Variants in HDGFL3 observed in about 807,000 individuals in gnomAD.
HDGFL3 encodes HDGF like 3.
Under a neutral mutation model 27.6 loss-of-function variants are expected in HDGFL3, and 6 were observed. The ratio of observed to expected loss-of-function variants is 0.22; its 90% CI spans 0.12 to 0.43. The LOEUF (loss-of-function observed/expected upper bound fraction) is 0.43, where lower values mean the gene tolerates loss of function less well. Ranked by LOEUF, HDGFL3 falls within the 20% of genes least tolerant of loss-of-function variation. The probability of loss-of-function intolerance (pLI) is 1.00; values close to 1 mark genes in which losing one functional copy is unlikely to be tolerated. For missense variants in HDGFL3, 207 were observed against 250.1 expected (o/e 0.83, Z 1.16); for synonymous variants, 88 against 88.9 (o/e 0.99, Z 0.05).
intron 5 of HDGFL3, among the ~76,000 whole-genome samples, chr15:83,149,224 G>T (rs2036935300): frequency 6.6e-6 from 1 of 152,192 alleles, no homozygotes. Flanking sequence ...ATGAGATAAT[G>T]AATGCAGACC....
At chr15:83,179,583 C>G (rs2151415187) in intron 1 of HDGFL3, among the ~76,000 whole-genome samples, 1 of 152,348 alleles carries the variant, frequency 6.6e-6, no homozygotes, top group South Asian at 2.1e-4. Flanking sequence ...AGCCTCTTCT[C>G]TCGAAAGTGC....
chr15:83,176,586 A>G (rs1203252874), intron 1 of HDGFL3, among the ~76,000 whole-genome samples: 2 of 152,108 alleles, frequency 1.3e-5, no homozygotes, highest in African/African-American at 4.8e-5. Flanking sequence ...TCATCCCTGG[A>G]CCTTCACCAT....
intron 1 of HDGFL3, among the ~76,000 whole-genome samples, chr15:83,197,365 G>A (rs995756775): frequency 6.6e-6 from 1 of 152,246 alleles, no homozygotes; most frequent in Non-Finnish European, 1.5e-5. Flanking sequence ...ACATAAAACT[G>A]TGCTTACAGT....
chr15:83,150,657 A>G (rs72755997), intron 5 of HDGFL3, among the ~76,000 whole-genome samples: 2,649 of 152,342 alleles, frequency 0.017, 33 homozygotes, highest in South Asian at 0.026. Flanking sequence ...GCCTTCATCA[A>G]GTTTTTTACA....
Position 83,136,707 on chromosome 15 carries a change from T to C in HDGFL3, c.*2563A>G, listed in dbSNP as rs1369453452. On this transcript the variant is annotated 3_prime_UTR_variant, in exon 6 of 6. Coordinates refer to ENST00000299633, the MANE Select transcript of HDGFL3 (RefSeq NM_016073.4). ...TTCATGTTCCTCCTTTCTAAATTAC[T>C]AACTTTTGTTATACTGGTACTGATA... 1.5e-5 allele frequency: 23 copies of C among 1,537,590 alleles called. No individual in the cohort carries two copies. The highest frequency in any genetic ancestry group is 1.9e-5 in the Non-Finnish European group (22 of 1,134,248).
At chr15:83,191,184 T>C (rs2037506856) in intron 1 of HDGFL3, among the ~76,000 whole-genome samples, 1 of 152,192 alleles carries the variant, frequency 6.6e-6, no homozygotes, top group Non-Finnish European at 1.5e-5. Context: ...AACAATTCTG[T>C]GTGTTGATAA....
At chr15:83,196,195 A>G (rs1210652561) in intron 1 of HDGFL3, among the ~76,000 whole-genome samples, 2 of 151,580 alleles carry the variant, frequency 1.3e-5, no homozygotes, top group Non-Finnish European at 3.0e-5. Context: ...CAATATATTT[A>G]TATTTGTCCA....
intron 4 of HDGFL3, among the ~76,000 whole-genome samples, chr15:83,153,733 T>C (rs1221022814): frequency 6.6e-6 from 1 of 152,196 alleles, no homozygotes; most frequent in Non-Finnish European, 1.5e-5. Context: ...AAATAATTTG[T>C]ATGCAAAATA....
chr15:83,167,562 G>C (rs377510452), intron 1 of HDGFL3, among the ~76,000 whole-genome samples: 1 of 99,202 alleles, frequency 1.0e-5, no homozygotes, highest in African/African-American at 3.7e-5. Context: ...TCCATCTCAA[G>C]AAAAAAAAAA....
At chr15:83,126,094 A>G (rs1372803342), downstream of HDGFL3, among the ~76,000 whole-genome samples, 1 of 152,154 alleles carries the variant, frequency 6.6e-6, no homozygotes, top group Non-Finnish European at 1.5e-5. Flanking sequence ...GTGGGGGTGC[A>G]TGCAAGGTGG....
chr15:83,149,913 CAGG>C (rs2036943603), intron 5 of HDGFL3, among the ~76,000 whole-genome samples: 1 of 152,094 alleles, frequency 6.6e-6, no homozygotes, highest in Admixed American at 6.5e-5. Flanking sequence ...TTGGAGAAAA[CAGG>C]AGGAGATAAT....
At chr15:83,155,414 T>G (rs1164622539) in intron 4 of HDGFL3, among the ~76,000 whole-genome samples, 9 of 152,200 alleles carry the variant, frequency 5.9e-5, no homozygotes, top group African/African-American at 1.2e-4. Flanking sequence ...TTAGATAATT[T>G]AGGGTTGCAC....
chr15:83,148,345 G>C (rs2036924696), intron 5 of HDGFL3, among the ~76,000 whole-genome samples: 1 of 152,098 alleles, frequency 6.6e-6, no homozygotes, highest in African/African-American at 2.4e-5. Context: ...AAGCTGGCCG[G>C]GCACAGTGGC....
Position 83,157,888 on chromosome 15 carries a change from G to A in HDGFL3, c.300+15C>T, listed in dbSNP as rs1428581752. On this transcript the variant is annotated intron_variant, in intron 3 of 5. Coordinates refer to ENST00000299633, the MANE Select transcript of HDGFL3 (RefSeq NM_016073.4). ...GAAATGAGATATAGCAAGTGACAAGGAAGTAAACCATTACCTGGTAGCCAG... is the reference window on the plus strand; with the variant it reads ...GAAATGAGATATAGCAAGTGACAAGAAAGTAAACCATTACCTGGTAGCCAG... 2.5e-6 allele frequency: 4 copies of A among 1,607,286 alleles called. No homozygotes were observed. Among genetic ancestry groups the A allele is most frequent in the East Asian group, 2.2e-5 (1 of 44,798 alleles).
At chr15:83,189,784 T>C (rs2037489537) in intron 1 of HDGFL3, among the ~76,000 whole-genome samples, 1 of 152,216 alleles carries the variant, frequency 6.6e-6, no homozygotes, top group Non-Finnish European at 1.5e-5. Context: ...TAAATATTGC[T>C]TTATTATTTT....
intron 4 of HDGFL3, among the ~76,000 whole-genome samples, chr15:83,155,077 C>T (rs1168439004): frequency 1.3e-5 from 2 of 152,086 alleles, no homozygotes; most frequent in Non-Finnish European, 2.9e-5. Context: ...GTTGCCCAGG[C>T]TGGTCTCAAA....
intron 2 of HDGFL3, among the ~76,000 whole-genome samples, chr15:83,160,050 C>T (rs2037079109): frequency 6.6e-6 from 1 of 152,190 alleles, no homozygotes; most frequent in Non-Finnish European, 1.5e-5. Context: ...ATGATGGTGA[C>T]TTGAACCAGG....
intron 4 of HDGFL3, among the ~76,000 whole-genome samples, chr15:83,154,832 A>G (rs1011771035): frequency 2.0e-5 from 3 of 152,194 alleles, no homozygotes; most frequent in African/African-American, 7.2e-5. Context: ...CCATTATGCT[A>G]GGTTATTTCA....
chr15:83,130,150 A>C lies in HDGFL3; in HGVS notation c.*9120T>G, dbSNP rs2036119411. 6.6e-6 allele frequency: 1 copy of C among 152,286 alleles called. No homozygotes were observed. 9.4% of individuals were successfully genotyped at this position (152,286 alleles called of 1,614,324 possible). On this transcript the variant is annotated 3_prime_UTR_variant, in exon 6 of 6. Transcript: ENST00000299633. ...AAGAGACCAGATGTTGGACCTGGTC[A>C]AGTCTCAGGAGACAAATGGAAACAG...
Sources: allele counts gnomAD v4.1 joint callset (sites outside exome capture counted in the v4.1 genomes callset), GRCh38; gene constraint gnomAD v4.1.1; transcripts MANE v1.5; gene names NCBI Gene and HGNC (gene_info 2026-07-23, HGNC 2026-07-21).